Variants in DPP7 observed in about 807,000 individuals in gnomAD.
The protein encoded by DPP7 is dipeptidyl peptidase 7, also known as dipeptidyl peptidase 2.
In DPP7, 74 loss-of-function variants were observed where a neutral mutation model predicts 58.8. The observed-to-expected ratio is 1.26, with a 90% CI of 1.04 to 1.53. The LOEUF (loss-of-function observed/expected upper bound fraction) is 1.53, where lower values mean the gene tolerates loss of function less well. Ranked by LOEUF, DPP7 falls within the 40% of genes most tolerant of loss-of-function variation. The pLI is 0.00. For synonymous variants in DPP7, 350 were observed against 303.6 expected (o/e 1.15, Z -1.59); for missense variants, 807 against 692.3 (o/e 1.17, Z -1.86).
In DPP7 at chr9:137,112,737, A is replaced by G; in HGVS notation, c.931+8T>C. Reference sequence around the variant, plus strand: ...ACACTTGCCCATCTGGGGCCGGGGGAAGGGCACCTGCCAGTGCTCGCAGCC... The same window carrying G: ...ACACTTGCCCATCTGGGGCCGGGGGGAGGGCACCTGCCAGTGCTCGCAGCC... On this transcript the variant is annotated splice_region_variant and intron_variant, in intron 8 of 12. Coordinates refer to ENST00000371579, the MANE Select transcript of DPP7 (RefSeq NM_013379.3). The G allele has an allele frequency of 1.3e-6, 2 of 1,597,270 alleles. No homozygotes were observed. The highest frequency in any genetic ancestry group is 1.7e-5 in the Admixed American group (1 of 58,270).
At position 137,113,703 on chromosome 9, in the gene DPP7, G is replaced by A. The variant is rs558407690; in HGVS notation, c.485+162C>T. ...GCTGAGCAGGTGGCTGGGAGGACAG[G>A]TGGGAGGGCTTCCTGGGGGAGGCAA... On this transcript the variant is annotated intron_variant, in intron 4 of 12. Transcript: ENST00000371579. 8.6e-5 allele frequency: 122 copies of A among 1,424,460 alleles called. No homozygotes were observed. In the African/African-American group the frequency reaches 1.1e-3, roughly 13 times the overall value. The allele number at this position is 1,424,460 out of a possible 1,614,324, so 88.2% of individuals were successfully genotyped here. A position where few individuals can be genotyped will look rare whatever the true frequency, so the allele number is the denominator to read the frequency against.
chr9:137,111,683 G>A lies in DPP7; in HGVS notation c.1272+7C>T, dbSNP rs1831373129. On this transcript the variant is annotated splice_region_variant and intron_variant, in intron 11 of 12. Transcript: ENST00000371579. ...AACGGGGTCATAGGGCCCAGGCCAG[G>A]ACTCACCCCGCCCCCTGCCCAGGGG... is the stretch of plus-strand genomic sequence containing the variant. 3.1e-6 allele frequency: 5 copies of A among 1,613,442 alleles called. No homozygotes were observed. Among genetic ancestry groups the A allele is most frequent in the Non-Finnish European group, 4.2e-6 (5 of 1,179,922 alleles).
chr9:137,114,630 G>C lies in DPP7; in HGVS notation c.67+17C>G. On this transcript the variant is annotated intron_variant, in intron 1 of 12. Coordinates refer to ENST00000371579, the MANE Select transcript of DPP7 (RefSeq NM_013379.3). The stretch of plus-strand genomic sequence containing the variant: ...GGGCCGGGACCGGGGAATGGGCCGG[G>C]GGGCGCCGCCACTCACCCCCCGCCT... 3.6e-6 allele frequency: 5 copies of C among 1,401,436 alleles called. No homozygotes were observed. The highest frequency in any genetic ancestry group is 4.6e-6 in the Non-Finnish European group (5 of 1,078,210). 86.8% of individuals were successfully genotyped at this position (1,401,436 alleles called of 1,614,324 possible).
In DPP7 at chr9:137,113,352, C is replaced by T. The variant is rs757009350; in HGVS notation, c.621+9G>A. ...TTAGGGGGCCTGGAGGACCCCAAGC[C>T]TCACTCACCGCCGTGACGTCCCGGA... On this transcript the variant is annotated intron_variant, in intron 5 of 12. Coordinates refer to ENST00000371579, the MANE Select transcript of DPP7 (RefSeq NM_013379.3). The T allele has an allele frequency of 6.2e-7, 1 of 1,612,096 alleles. No individual in the cohort carries two copies. The highest frequency in any genetic ancestry group is 1.3e-5 in the African/African-American group (1 of 74,892).
chr9:137,113,556 C>A, intron 4 of DPP7, 60 bp from the exon 5 acceptor site: 1 of 1,500,230 alleles, frequency 6.7e-7, no homozygotes. Flanking sequence ...CTCTTTTCCT[C>A]CTCAGGGGCC....
At chr9:137,113,832 G>C in intron 4 of DPP7, 33 bp downstream of exon 4, 3 of 1,455,366 alleles carry the variant, frequency 2.1e-6, no homozygotes, top group Non-Finnish European at 2.7e-6. Context: ...GGCAGGGGAG[G>C]GAGGGGGTGC....
intron 7 of DPP7, 66 bp downstream of exon 7, chr9:137,112,887 C>T: frequency 2.5e-6 from 4 of 1,602,658 alleles, no homozygotes; most frequent in Middle Eastern, 1.7e-4. Flanking sequence ...AGGGTCAGGC[C>T]GCTGACCACC....
upstream of DPP7, among the ~76,000 whole-genome samples, chr9:137,116,114 G>A (rs1222883245): frequency 6.6e-6 from 1 of 152,194 alleles, no homozygotes; most frequent in Non-Finnish European, 1.5e-5. Flanking sequence ...CCCACAGAGG[G>A]GCCAGAGCCT....
Position 137,110,552 on chromosome 9 carries a change from C to G in DPP7, c.*96G>C, listed in dbSNP as rs1831304135. The stretch of plus-strand genomic sequence containing the variant: ...GAAGGACGGGACATACATGGCCAGG[C>G]CTCCAGGCGTTTATTCAGCCCCTTC... On this transcript the variant is annotated 3_prime_UTR_variant, in exon 13 of 13. Transcript: ENST00000371579. 14 of 1,484,348 alleles carry G rather than the reference C, an allele frequency of 9.4e-6. No homozygotes were observed. The highest frequency in any genetic ancestry group is 1.3e-5 in the Non-Finnish European group (14 of 1,111,744). 91.9% of individuals were successfully genotyped at this position (1,484,348 alleles called of 1,614,324 possible).
intron 1 of DPP7, 31 bp downstream of exon 1, chr9:137,114,616 G>C (rs936256225): frequency 2.8e-6 from 4 of 1,433,012 alleles, no homozygotes; most frequent in African/African-American, 3.0e-5. Flanking sequence ...GGCCGGGACC[G>C]GGGAATGGGC....
At chr9:137,115,952 C>T (rs906012085), upstream of DPP7, among the ~76,000 whole-genome samples, 1 of 152,202 alleles carries the variant, frequency 6.6e-6, no homozygotes, top group Admixed American at 6.5e-5. Context: ...CCCCACACCT[C>T]TGCTCCTTTG....
At chr9:137,111,230 A>G (rs1263840622) in intron 11 of DPP7, among the ~76,000 whole-genome samples, 1 of 151,506 alleles carries the variant, frequency 6.6e-6, no homozygotes, top group East Asian at 1.9e-4. Context: ...CTGTGATCCC[A>G]GCACTCTGAG....
In DPP7 at chr9:137,113,629, C is replaced by G. The variant is rs917875242; in HGVS notation, c.486-133G>C. 5 of 1,431,184 alleles carry G rather than the reference C, an allele frequency of 3.5e-6. No individual in the cohort carries two copies. The South Asian group carries it at 4.5e-5, about 13-fold the overall frequency. The allele number at this position is 1,431,184 out of a possible 1,614,324, so 88.7% of individuals were successfully genotyped here. A position where few individuals can be genotyped will look rare whatever the true frequency, so the allele number is the denominator to read the frequency against. On this transcript the variant is annotated intron_variant, in intron 4 of 12. Coordinates refer to ENST00000371579, the MANE Select transcript of DPP7 (RefSeq NM_013379.3). ...ACAAATTCCAACCCTGGGCCAGGTG[C>G]GGGTGCAGCTCTCACTGGGAAAGGC...
At chr9:137,110,987 C>A in intron 11 of DPP7, 37 bp from the exon 12 acceptor site, 1 of 1,602,594 alleles carries the variant, frequency 6.2e-7, no homozygotes, top group Middle Eastern at 1.7e-4. Context: ...AGGTGAGGAA[C>A]GAGGCAACTG....
Position 137,114,580 on chromosome 9 carries a change from T to A in DPP7, c.68-4A>T. On this transcript the variant is annotated splice_polypyrimidine_tract_variant and splice_region_variant and intron_variant, in intron 1 of 12. Transcript: ENST00000371579. ...CCGGGGTCCGGGGCCCTGCGGGCTG[T>A]GGGGGGACGCGAACCTCAGAGGCGG... 6.6e-7 allele frequency: 1 copy of A among 1,515,222 alleles called. No homozygotes were observed. The highest frequency in any genetic ancestry group is 8.8e-7 in the Non-Finnish European group (1 of 1,131,604). The allele number at this position is 1,515,222 out of a possible 1,614,324, so 93.9% of individuals were successfully genotyped here.
chr9:137,112,793 G>T lies in DPP7; in HGVS notation c.883C>A (p.Arg295=), dbSNP rs779827484. The T allele has an allele frequency of 1.1e-5, 17 of 1,609,468 alleles. No homozygotes were observed. Among genetic ancestry groups the T allele is most frequent in the Non-Finnish European group, 1.7e-6 (2 of 1,179,444 alleles). ...PANPVKVGCD[R]LLSEAQRITG... is the part of the protein sequence containing the mutation. ...ATCCTCTGGGCCTCACTCAGCAGCCGATCACAGCCCACCTGGAGTGCAGGG... is the reference window on the plus strand; with the variant it reads ...ATCCTCTGGGCCTCACTCAGCAGCCTATCACAGCCCACCTGGAGTGCAGGG... Residue 295 remains arginine (R), a synonymous_variant, in exon 8 of 13, where the codon CGG becomes AGG. Coordinates refer to ENST00000371579, the MANE Select transcript of DPP7 (RefSeq NM_013379.3).
Position 137,113,873 on chromosome 9 carries a change from G to C in DPP7, c.477C>G (p.Phe159Leu). The C allele has an allele frequency of 1.3e-6, 2 of 1,546,866 alleles. No individual in the cohort carries two copies. The highest frequency in any genetic ancestry group is 1.7e-6 in the Non-Finnish European group (2 of 1,151,660). Residue 159 changes from phenylalanine to leucine, a missense_variant, in exon 4 of 13, where the codon TTC (phenylalanine) becomes TTG (leucine). Phe to Leu is a conservative substitution (Grantham distance 22). Coordinates refer to ENST00000371579, the MANE Select transcript of DPP7 (RefSeq NM_013379.3). ...LGAQDAPAIA[F>L]GGSYGGMLSA... ...CCGGGGGAGGCGCCCACCTTCCACC[G>C]AAGGCGATGGCGGGGGCATCCTGGG...
chr9:137,113,104 C>T lies in DPP7; in HGVS notation c.719G>A (p.Arg240His), dbSNP rs750526276. 3.2e-5 allele frequency: 51 copies of T among 1,613,616 alleles called. No homozygotes were observed. The highest frequency in any genetic ancestry group is 8.0e-5 in the African/African-American group (6 of 74,926). Residue 240 changes from arginine to histidine, a missense_variant, in exon 7 of 13, where the codon CGC (arginine) becomes CAC (histidine). Physicochemically the swap from Arg to His is conservative, Grantham distance 29. Coordinates refer to ENST00000371579, the MANE Select transcript of DPP7 (RefSeq NM_013379.3). ...CGGCTGGCAGGTGCCGAACTCCCAG[C>T]GGACCGTGTCGTAGGCTGCGTGGAA... is the stretch of plus-strand genomic sequence containing the variant. ...LFLQGAYDTV[R>H]WEFGTCQPLS...
rs1831394595 is a variant in DPP7 at position 137,112,024 on chromosome 9, G to A, written c.1056C>T (p.Cys352=). ...TGGCGAAGGTCAGGTTGATCTCGGT[G>A]CAGGCCTGCAGGTGCCCCAGCCTGA... ...PDARAWDYQA[C]TEINLTFASN... Residue 352 remains cysteine, a synonymous_variant, in exon 10 of 13, where the codon TGC becomes TGT. Transcript: ENST00000371579. The A allele has an allele frequency of 6.2e-7, 1 of 1,613,504 alleles. No individual in the cohort carries two copies. The highest frequency in any genetic ancestry group is 8.5e-7 in the Non-Finnish European group (1 of 1,179,828).
Sources: allele counts gnomAD v4.1 joint callset (sites outside exome capture counted in the v4.1 genomes callset), GRCh38; gene constraint gnomAD v4.1.1; transcripts MANE v1.5; gene names NCBI Gene and HGNC (gene_info 2026-07-23, HGNC 2026-07-21).